Variants in SLC25A21 observed in about 807,000 individuals in gnomAD.
SLC25A21 encodes mitochondrial 2-oxodicarboxylate carrier.
SLC25A21 carries 47 observed loss-of-function variants against 43.8 expected under a neutral mutation model. The ratio of observed to expected loss-of-function variants is 1.07; its 90% CI spans 0.85 to 1.37. The LOEUF is 1.37. Among genes scored for constraint, SLC25A21 ranks in the 40% most tolerant of loss-of-function variants. SLC25A21 has a pLI of 0.00. For missense variants in SLC25A21, 352 were observed against 350.2 expected, an observed-to-expected ratio of 1.00 and a Z score of -0.04; for synonymous variants, 131 against 121.3, an observed-to-expected ratio of 1.08 and a Z score of -0.52.
intron 1 of SLC25A21, among the ~76,000 whole-genome samples, chr14:37,130,201 C>G (rs751486328): frequency 6.6e-6 from 1 of 151,984 alleles, no homozygotes; most frequent in Non-Finnish European, 1.5e-5. Context: ...GAGTTAGAGG[C>G]TGCAGTGAGC....
At chr14:37,016,800 C>G (rs1032865639) in intron 1 of SLC25A21, among the ~76,000 whole-genome samples, 1 of 152,074 alleles carries the variant, frequency 6.6e-6, no homozygotes, top group South Asian at 2.1e-4. Context: ...TACATTAACA[C>G]TGACTGTTTC....
intron 3 of SLC25A21, among the ~76,000 whole-genome samples, chr14:36,754,035 A>G (rs1364234301): frequency 3.3e-5 from 5 of 151,956 alleles, no homozygotes; most frequent in Non-Finnish European, 1.5e-5. Flanking sequence ...ATTTTTTGGA[A>G]ACTTTTACCT....
chr14:37,010,041 C>G (rs769121855), intron 1 of SLC25A21, among the ~76,000 whole-genome samples: 2 of 152,156 alleles, frequency 1.3e-5, no homozygotes, highest in Non-Finnish European at 2.9e-5. Flanking sequence ...TTATACTGTG[C>G]TATTTATTAC....
At chr14:36,892,636 G>A (rs952308767) in intron 1 of SLC25A21, among the ~76,000 whole-genome samples, 12 of 151,914 alleles carry the variant, frequency 7.9e-5, no homozygotes, top group Non-Finnish European at 1.6e-4. Flanking sequence ...CCATGTTGGT[G>A]TGCTGCACCC....
intron 2 of SLC25A21, among the ~76,000 whole-genome samples, chr14:36,845,326 AAAAG>A (rs1889508024): frequency 6.6e-6 from 1 of 152,254 alleles, no homozygotes; most frequent in African/African-American, 2.4e-5. Context: ...ATTTCTGAAA[AAAAG>A]TATGTTCAGA....
chr14:37,036,850 C>CAG (rs1961337457), intron 1 of SLC25A21, among the ~76,000 whole-genome samples: 1 of 152,146 alleles, frequency 6.6e-6, no homozygotes, highest in South Asian at 2.1e-4. Flanking sequence ...AGCAGATGTT[C>CAG]AAATGTGGAT....
intron 2 of SLC25A21, among the ~76,000 whole-genome samples, chr14:36,869,378 C>T (rs942175713): frequency 8.6e-5 from 13 of 150,574 alleles, no homozygotes; most frequent in African/African-American, 3.2e-4. Flanking sequence ...CAGGAAGTAA[C>T]AGTGAATGTA....
chr14:36,985,095 A>G (rs1960115637), intron 1 of SLC25A21, among the ~76,000 whole-genome samples: 2 of 150,798 alleles, frequency 1.3e-5, no homozygotes, highest in South Asian at 4.2e-4. Context: ...CAAACACCGC[A>G]TATTCTCACT....
chr14:36,842,756 C>T (rs900258154), intron 2 of SLC25A21, among the ~76,000 whole-genome samples: 3 of 152,078 alleles, frequency 2.0e-5, no homozygotes, highest in Non-Finnish European at 4.4e-5. Context: ...GACATGATGG[C>T]ATTTCAAAGG....
At chr14:36,699,904 G>A (rs564481348) in intron 7 of SLC25A21, among the ~76,000 whole-genome samples, 7 of 152,318 alleles carry the variant, frequency 4.6e-5, no homozygotes, top group Middle Eastern at 3.4e-3. Flanking sequence ...TGCACTTCCC[G>A]GGTGAGGCGA....
At chr14:37,110,403 A>C (rs183121738) in intron 1 of SLC25A21, among the ~76,000 whole-genome samples, 5 of 152,344 alleles carry the variant, frequency 3.3e-5, no homozygotes, top group Admixed American at 1.3e-4. Flanking sequence ...TCCATTCTAG[A>C]GTACTAAGTA....
chr14:36,831,914 G>C (rs574481967), intron 2 of SLC25A21, among the ~76,000 whole-genome samples: 3 of 152,098 alleles, frequency 2.0e-5, no homozygotes, highest in Non-Finnish European at 4.4e-5. Flanking sequence ...CTTTTCCTTC[G>C]AGCTATTTTA....
intron 1 of SLC25A21, among the ~76,000 whole-genome samples, chr14:37,093,667 C>A (rs1472057394): frequency 1.3e-5 from 2 of 152,024 alleles, no homozygotes; most frequent in African/African-American, 4.8e-5. Context: ...TCCACACCTA[C>A]TTTTGGGGGA....
At chr14:37,161,058 G>C (rs758010855) in intron 1 of SLC25A21, among the ~76,000 whole-genome samples, 3 of 151,872 alleles carry the variant, frequency 2.0e-5, no homozygotes, top group Non-Finnish European at 4.4e-5. Flanking sequence ...AGCAGAGTAG[G>C]ATGACTATAC....
At chr14:36,944,399 A>C (rs896214448) in intron 1 of SLC25A21, among the ~76,000 whole-genome samples, 1 of 152,126 alleles carries the variant, frequency 6.6e-6, no homozygotes. Flanking sequence ...GGTGGAGGGC[A>C]TAGGGTATCA....
intron 1 of SLC25A21, among the ~76,000 whole-genome samples, chr14:37,024,514 A>G (rs182012104): frequency 6.6e-6 from 1 of 152,084 alleles, no homozygotes; most frequent in Middle Eastern, 3.2e-3. Flanking sequence ...TGGTTTCTCC[A>G]CATGAAGTCT....
intron 1 of SLC25A21, chr14:36,952,212 T>G (rs752995945): frequency 6.5e-6 from 1 of 153,020 alleles, no homozygotes; most frequent in Non-Finnish European, 1.5e-5. Context: ...GCCTGGGCAA[T>G]AGAGCAAGAT....
intron 1 of SLC25A21, among the ~76,000 whole-genome samples, chr14:36,915,261 T>C (rs1424916428): frequency 6.6e-6 from 1 of 152,100 alleles, no homozygotes; most frequent in Admixed American, 6.6e-5. Context: ...AGAATTCTAC[T>C]ATGAGCTGTG....
At position 36,718,074 on chromosome 14, in the gene SLC25A21, GA is replaced by G. The variant is rs543468866; in HGVS notation, c.439-6593del. ...AATATTTTTAAAAATCAAATAAAGG[GA>G]AAAACTCACATAAGGCAACTTGCAG... On this transcript the variant is annotated intron_variant, in intron 6 of 9. Coordinates refer to ENST00000331299, the MANE Select transcript of SLC25A21 (RefSeq NM_030631.4). 2.2e-3 allele frequency among the ~76,000 whole-genome samples: 333 copies of G among 152,126 alleles called. 2 individuals carry two copies. The highest frequency in any genetic ancestry group is 7.8e-3 in the African/African-American group (324 of 41,514).
Sources: allele counts gnomAD v4.1 joint callset (sites outside exome capture counted in the v4.1 genomes callset), GRCh38; gene constraint gnomAD v4.1.1; transcripts MANE v1.5; gene names NCBI Gene and HGNC (gene_info 2026-07-23, HGNC 2026-07-21).